NBEA: variants seen among roughly 807,000 people sequenced by gnomAD.
NBEA encodes the protein lysosomal-trafficking regulator 2.
Under a neutral mutation model 343.4 loss-of-function variants are expected in NBEA, and 44 were observed. That is an observed-to-expected ratio of 0.13 (90% CI 0.10 to 0.16). The LOEUF is 0.16. NBEA is among the 10% of genes least tolerant of loss of function. The probability of loss-of-function intolerance (pLI) is 1.00; values close to 1 mark genes in which losing one functional copy is unlikely to be tolerated. For synonymous variants in NBEA, 1,175 were observed against 1,238.7 expected (o/e 0.95, Z 1.08); for missense variants, 2,555 against 3,631.3 (o/e 0.70, Z 7.62).
At chr13:35,287,154 T>G (rs2035479708) in intron 34 of NBEA, among the ~76,000 whole-genome samples, 1 of 152,074 alleles carries the variant, frequency 6.6e-6, no homozygotes. Context: ...CAGGTGTTCA[T>G]TTTATACTGC....
chr13:35,044,693 A>G (rs1270383387), intron 2 of NBEA, among the ~76,000 whole-genome samples: 12 of 150,296 alleles, frequency 8.0e-5, no homozygotes, highest in Non-Finnish European at 2.9e-5. Flanking sequence ...AGACAGCTTA[A>G]TTGCGGTGGT....
At chr13:35,157,055 A>G in intron 20 of NBEA, 23 bp from the exon 21 acceptor site, 1 of 1,496,756 alleles carries the variant, frequency 6.7e-7, no homozygotes, top group East Asian at 2.3e-5. Context: ...ATTTTTAATG[A>G]GATCAAATTT....
intron 37 of NBEA, among the ~76,000 whole-genome samples, chr13:35,349,488 T>A (rs544616067): frequency 3.9e-5 from 6 of 152,044 alleles, no homozygotes; most frequent in Non-Finnish European, 8.8e-5. Flanking sequence ...ATGCAAAAAA[T>A]AATTTATAAT....
chr13:35,645,080 A>T (rs961061531), intron 49 of NBEA, among the ~76,000 whole-genome samples: 5 of 152,242 alleles, frequency 3.3e-5, no homozygotes, highest in African/African-American at 1.2e-4. Flanking sequence ...TTTTCTTGAA[A>T]TACAGTGTAG....
At chr13:35,283,413 T>C (rs544533607) in intron 34 of NBEA, among the ~76,000 whole-genome samples, 2 of 152,290 alleles carry the variant, frequency 1.3e-5, no homozygotes, top group East Asian at 1.9e-4. Flanking sequence ...ACCATTCTCA[T>C]GTGGAAATTG....
At chr13:35,314,066 G>A (rs139155188) in intron 36 of NBEA, among the ~76,000 whole-genome samples, 83 of 152,182 alleles carry the variant, frequency 5.5e-4, no homozygotes, top group East Asian at 4.6e-3. Context: ...AGAAGGATTG[G>A]CCTTTAGTGG....
intron 38 of NBEA, among the ~76,000 whole-genome samples, chr13:35,422,958 G>A (rs2044394561): frequency 6.6e-6 from 1 of 152,208 alleles, no homozygotes; most frequent in Admixed American, 6.5e-5. Context: ...TTTGAGAAGT[G>A]TCTGTTCATA....
intron 49 of NBEA, among the ~76,000 whole-genome samples, chr13:35,643,117 G>A (rs1253259021): frequency 4.0e-5 from 6 of 150,406 alleles, no homozygotes; most frequent in Admixed American, 4.0e-4. Flanking sequence ...TGATATATTT[G>A]GAAATTTTTA....
At chr13:35,651,986 G>T in intron 53 of NBEA, 110 bp downstream of exon 53, 1 of 683,248 alleles carries the variant, frequency 1.5e-6, no homozygotes, top group African/African-American at 1.8e-5. Flanking sequence ...AGATTAAAAT[G>T]CTAATAATAT....
chr13:35,441,848 G>A (rs9573930), intron 39 of NBEA, among the ~76,000 whole-genome samples: 42,074 of 134,360 alleles, frequency 0.31, 7,171 homozygotes, highest in African/African-American at 0.51. Context: ...AAAAAAAAAA[G>A]AAGACACTGA....
chr13:35,169,425 T>C (rs570807405), intron 25 of NBEA, among the ~76,000 whole-genome samples: 8 of 151,714 alleles, frequency 5.3e-5, no homozygotes, highest in Admixed American at 1.3e-4. Context: ...TAGACTGTTG[T>C]GTTGAAAGTG....
At chr13:35,176,944 T>TTAATTATCTGTA (rs2070943228) in intron 27 of NBEA, 52 bp from the exon 28 acceptor site, 2 of 1,184,258 alleles carry the variant, frequency 1.7e-6, no homozygotes, top group Admixed American at 4.0e-5. Flanking sequence ...GTGATACTTC[T>TTAATTATCTGTA]ATATATTATC....
chr13:35,635,968 G>A (rs1434274421), intron 49 of NBEA, among the ~76,000 whole-genome samples: 1 of 152,150 alleles, frequency 6.6e-6, no homozygotes, highest in African/African-American at 2.4e-5. Context: ...TTATTGTGTG[G>A]TGTTGAGAAG....
intron 17 of NBEA, among the ~76,000 whole-genome samples, chr13:35,140,798 A>G (rs1228693407): frequency 1.3e-5 from 2 of 152,200 alleles, no homozygotes; most frequent in East Asian, 3.9e-4. Flanking sequence ...CATAACTGAT[A>G]AATAATGAAA....
chr13:35,172,774 A>T (rs748050330), intron 26 of NBEA, among the ~76,000 whole-genome samples: 6 of 152,146 alleles, frequency 3.9e-5, no homozygotes, highest in African/African-American at 1.4e-4. Context: ...TGAGGCACAG[A>T]TAGTTTAAGC....
intron 49 of NBEA, among the ~76,000 whole-genome samples, chr13:35,640,688 T>C (rs1351142656): frequency 6.6e-6 from 1 of 152,200 alleles, no homozygotes; most frequent in Non-Finnish European, 1.5e-5. Flanking sequence ...AAAGAGAAAG[T>C]GTCCCTAATC....
chr13:35,670,394 C>A (rs1302540560), intron 58 of NBEA, among the ~76,000 whole-genome samples: 1 of 152,130 alleles, frequency 6.6e-6, no homozygotes, highest in Non-Finnish European at 1.5e-5. Flanking sequence ...CTGGCAGTGA[C>A]CTCCACTTGG....
At position 35,571,357 on chromosome 13, in the gene NBEA, T is replaced by C. The variant is rs184832888; in HGVS notation, c.7035+4340T>C. On this transcript the variant is annotated intron_variant, in intron 45 of 58. Coordinates refer to ENST00000379939, the MANE Select transcript of NBEA (RefSeq NM_001385012.1). ...AAAGTGGCTTGAACAATAGTGGGAA[T>C]TGGGAGAAAAAGTCAAGAGGTTGTA... Among the ~76,000 whole-genome samples, 4 of 152,298 alleles carry C rather than the reference T, an allele frequency of 2.6e-5. No homozygotes were observed. The East Asian group carries it at 7.7e-4, about 29-fold the overall frequency.
At chr13:35,243,793 A>G (rs929039390) in intron 34 of NBEA, among the ~76,000 whole-genome samples, 1 of 152,080 alleles carries the variant, frequency 6.6e-6, no homozygotes, top group East Asian at 1.9e-4. Context: ...AAGTTCTGCA[A>G]TAATCGTGGG....
Sources: gnomAD v4.1 joint callset for allele counts (sites outside exome capture counted in the v4.1 genomes callset) on GRCh38, gnomAD v4.1.1 for gene constraint, MANE v1.5 for transcripts, NCBI Gene and HGNC (gene_info 2026-07-23, HGNC 2026-07-21) for gene names.